PTPRO: variants seen among roughly 807,000 people sequenced by gnomAD.
PTPRO encodes protein tyrosine phosphatase receptor type O.
PTPRO carries 62 observed loss-of-function variants against 145.2 expected under a neutral mutation model. That is an observed-to-expected ratio of 0.43 (90% CI 0.35 to 0.53). The LOEUF (loss-of-function observed/expected upper bound fraction) is 0.53, where lower values mean the gene tolerates loss of function less well. Ranked by LOEUF, PTPRO falls within the 20% of genes least tolerant of loss-of-function variation. The probability of loss-of-function intolerance (pLI) is 0.01; values close to 1 mark genes in which losing one functional copy is unlikely to be tolerated. For synonymous variants in PTPRO, 565 were observed against 514.7 expected (o/e 1.10, Z -1.32); for missense variants, 1,345 against 1,482.7 (o/e 0.91, Z 1.53).
chr12:15,394,607 A>G (rs1939285092), intron 1 of PTPRO, among the ~76,000 whole-genome samples: 1 of 152,234 alleles, frequency 6.6e-6, no homozygotes, highest in South Asian at 2.1e-4. Context: ...TTAAGTATTT[A>G]ATAGCTGTGT....
chr12:15,425,533 C>T (rs1940261025), intron 1 of PTPRO, among the ~76,000 whole-genome samples: 1 of 152,082 alleles, frequency 6.6e-6, no homozygotes, highest in Non-Finnish European at 1.5e-5. Flanking sequence ...AGGCCTTGCC[C>T]AGCTCAGATT....
chr12:15,368,275 C>G (rs1429963522), intron 1 of PTPRO, among the ~76,000 whole-genome samples: 3 of 152,140 alleles, frequency 2.0e-5, no homozygotes, highest in African/African-American at 7.2e-5. Context: ...ACACCATGCT[C>G]CATATTGTTT....
chr12:15,398,192 G>A (rs1442351435), intron 1 of PTPRO, among the ~76,000 whole-genome samples: 3 of 152,150 alleles, frequency 2.0e-5, no homozygotes, highest in African/African-American at 4.8e-5. Context: ...ATCATTAGGA[G>A]CACATAAATA....
intron 25 of PTPRO, among the ~76,000 whole-genome samples, chr12:15,592,619 G>A (rs946154852): frequency 2.0e-5 from 3 of 152,196 alleles, no homozygotes; most frequent in Non-Finnish European, 2.9e-5. Flanking sequence ...GGCGTATTTA[G>A]AAAGAATGCC....
intron 1 of PTPRO, among the ~76,000 whole-genome samples, chr12:15,415,386 A>AT (rs58919838): frequency 0.032 from 4,302 of 132,476 alleles, 226 homozygotes; most frequent in African/African-American, 0.11. Flanking sequence ...GGTGAAATGA[A>AT]TTTTTTTTTT....
intron 1 of PTPRO, among the ~76,000 whole-genome samples, chr12:15,330,355 T>C (rs1479784300): frequency 6.6e-6 from 1 of 152,206 alleles, no homozygotes; most frequent in African/African-American, 2.4e-5. Flanking sequence ...TGTAGGGTAA[T>C]TTCTTGGTAA....
chr12:15,513,155 GAAAA>G (rs375973212), intron 7 of PTPRO, among the ~76,000 whole-genome samples: 3 of 24,406 alleles, frequency 1.2e-4, no homozygotes, highest in East Asian at 6.9e-4. Flanking sequence ...AAGAAAGAAA[GAAAA>G]AGAAAGAAAG....
At chr12:15,341,582 T>C (rs780142845) in intron 1 of PTPRO, among the ~76,000 whole-genome samples, 1 of 152,260 alleles carries the variant, frequency 6.6e-6, no homozygotes, top group Non-Finnish European at 1.5e-5. Flanking sequence ...TTCATGATAA[T>C]TTTTGAAGGA....
chr12:15,415,426 C>T (rs969616295), intron 1 of PTPRO, among the ~76,000 whole-genome samples: 5 of 151,568 alleles, frequency 3.3e-5, no homozygotes, highest in Non-Finnish European at 7.4e-5. Context: ...GCTCTGTCGC[C>T]CAGGCTGGAG....
chr12:15,337,972 T>G (rs1432985227), intron 1 of PTPRO, among the ~76,000 whole-genome samples: 1 of 152,158 alleles, frequency 6.6e-6, no homozygotes, highest in Non-Finnish European at 1.5e-5. Flanking sequence ...CAGTTATATA[T>G]CTTGATTGTG....
intron 1 of PTPRO, among the ~76,000 whole-genome samples, chr12:15,438,458 A>G (rs1225151308): frequency 2.6e-5 from 4 of 152,142 alleles, no homozygotes; most frequent in South Asian, 2.1e-4. Context: ...CAACAAAAGG[A>G]AATTTCTAAA....
Position 15,476,302 on chromosome 12 carries a change from G to A in PTPRO, c.76-7672G>A, listed in dbSNP as rs116541196. Among the ~76,000 whole-genome samples, 1,246 of 152,218 alleles carry A rather than the reference G, an allele frequency of 8.2e-3. 16 individuals are homozygous for A. Among genetic ancestry groups the A allele is most frequent in the African/African-American group, 0.029 (1,191 of 41,538 alleles). ...GCTTGATCCCGGCAATGCATTCACCGTGAGATGAAGGAGGGCTCTTTGTTT... is the reference window on the plus strand; with the variant it reads ...GCTTGATCCCGGCAATGCATTCACCATGAGATGAAGGAGGGCTCTTTGTTT... On this transcript the variant is annotated intron_variant, in intron 1 of 26. Coordinates refer to ENST00000281171, the MANE Select transcript of PTPRO (RefSeq NM_030667.3).
intron 19 of PTPRO, among the ~76,000 whole-genome samples, chr12:15,571,527 C>G (rs1353726278): frequency 6.6e-6 from 1 of 152,148 alleles, no homozygotes; most frequent in Non-Finnish European, 1.5e-5. Context: ...ACCTTGTGAT[C>G]TAGCTGCCTC....
chr12:15,420,907 C>T (rs529625205), intron 1 of PTPRO, among the ~76,000 whole-genome samples: 3 of 152,278 alleles, frequency 2.0e-5, no homozygotes, highest in African/African-American at 7.2e-5. Context: ...CTACCACATA[C>T]TAAGTATGCA....
At position 15,508,765 on chromosome 12, in the gene PTPRO, C is replaced by A; in HGVS notation, c.1462C>A (p.Gln488Lys). The A allele has an allele frequency of 6.2e-7, 1 of 1,613,862 alleles. No homozygotes were observed. Among genetic ancestry groups the A allele is most frequent in the Non-Finnish European group, 8.5e-7 (1 of 1,179,900 alleles). ...SQRLEKQYCT[Q>K]VNSSKPIIEN... is the part of the protein sequence containing the mutation. ...GAGGCTTGAAAAGCAGTACTGCACT[C>A]AGGTAAAGGAGAGGAAATGAGAATG... The change falls in exon 7 of 27, where the codon CAG becomes AAG. Residue 488 changes from glutamine to lysine, a missense_variant and splice_region_variant. By Grantham distance (53) the Gln-to-Lys change is moderately conservative. This residue lies in a region of PTPRO where 1,130 missense variants were observed against 1,214.7 expected (regional missense o/e 0.93). Coordinates refer to ENST00000281171, the MANE Select transcript of PTPRO (RefSeq NM_030667.3).
At chr12:15,566,268 A>T (rs1318781777) in intron 18 of PTPRO, among the ~76,000 whole-genome samples, 1 of 152,158 alleles carries the variant, frequency 6.6e-6, no homozygotes, top group South Asian at 2.1e-4. Context: ...CTTTATATAG[A>T]GTTTGTTCTT....
At chr12:15,351,659 A>G (rs1383920891) in intron 1 of PTPRO, among the ~76,000 whole-genome samples, 1 of 152,216 alleles carries the variant, frequency 6.6e-6, no homozygotes, top group Non-Finnish European at 1.5e-5. Context: ...AAACATTTTT[A>G]TAATATTTAA....
chr12:15,361,039 A>G (rs990264531), intron 1 of PTPRO, among the ~76,000 whole-genome samples: 4 of 151,340 alleles, frequency 2.6e-5, no homozygotes, highest in African/African-American at 9.7e-5. Context: ...ATGTTTAAAC[A>G]TATACAAATA....
chr12:15,497,370 G>A lies in PTPRO; in HGVS notation c.475G>A (p.Glu159Lys). ...CACAAGAGTGAACATTAGCTACTGG[G>A]AAGGTAAAGACTTCCGGACAATGCT... ...VFTRVNISYW[E>K]GKDFRTMLYK... The change falls in exon 3 of 27, where the codon GAA (glutamate) becomes AAA (lysine). Residue 159 changes from glutamate (E) to lysine (K), a missense_variant. Coordinates refer to ENST00000281171, the MANE Select transcript of PTPRO (RefSeq NM_030667.3). The A allele has an allele frequency of 6.2e-7, 1 of 1,613,468 alleles. No individual in the cohort carries two copies. The highest frequency in any genetic ancestry group is 8.5e-7 in the Non-Finnish European group (1 of 1,179,624).
Sources: allele counts gnomAD v4.1 joint callset (sites outside exome capture counted in the v4.1 genomes callset), GRCh38; gene constraint gnomAD v4.1.1; regional missense constraint gnomAD v4.1.1; transcripts MANE v1.5; gene names NCBI Gene and HGNC (gene_info 2026-07-23, HGNC 2026-07-21).